The following PIEZO2 variants were observed in gnomAD, a reference collection of about 807,000 sequenced individuals.
PIEZO2 encodes the protein piezo-type mechanosensitive ion channel component 2.
In PIEZO2, 172 loss-of-function variants were observed where a neutral mutation model predicts 337.3. The ratio of observed to expected loss-of-function variants is 0.51; its 90% CI spans 0.45 to 0.58. The LOEUF (loss-of-function observed/expected upper bound fraction) is 0.58, where lower values mean the gene tolerates loss of function less well. PIEZO2 is among the 20% of genes least tolerant of loss of function. The pLI, the probability that PIEZO2 is intolerant of heterozygous loss-of-function variation, is 0.00. For missense variants in PIEZO2, 3,028 were observed against 3,391.3 expected (o/e 0.89, Z 2.66); for synonymous variants, 1,251 against 1,228.5 (o/e 1.02, Z -0.38).
chr18:11,045,074 T>A (rs955278250), intron 2 of PIEZO2, among the ~76,000 whole-genome samples: 32 of 151,746 alleles, frequency 2.1e-4, no homozygotes, highest in African/African-American at 7.7e-4. Context: ...AGTGGGCGGA[T>A]CACGAGGTCA....
At chr18:11,012,343 A>G (rs561262006) in intron 2 of PIEZO2, among the ~76,000 whole-genome samples, 1 of 152,340 alleles carries the variant, frequency 6.6e-6, no homozygotes, top group East Asian at 1.9e-4. Flanking sequence ...AAAATAAGAA[A>G]CTGATAATCT....
At chr18:10,933,018 T>C (rs1598712073) in intron 3 of PIEZO2, among the ~76,000 whole-genome samples, 1 of 150,424 alleles carries the variant, frequency 6.6e-6, no homozygotes, top group South Asian at 2.1e-4. Context: ...CACAACAGAG[T>C]GGAGGAAAGA....
chr18:10,866,516 A>G (rs2042011380), intron 5 of PIEZO2, among the ~76,000 whole-genome samples: 2 of 152,012 alleles, frequency 1.3e-5, no homozygotes, highest in South Asian at 4.1e-4. Flanking sequence ...CAATATCCCG[A>G]CCTCGTGATC....
intron 2 of PIEZO2, among the ~76,000 whole-genome samples, chr18:11,043,884 G>A (rs948673110): frequency 6.6e-5 from 10 of 151,922 alleles, no homozygotes; most frequent in African/African-American, 1.4e-4. Context: ...ATGTTTGCCC[G>A]GCTGGTCATG....
chr18:10,811,284 A>G (rs2040181147), intron 7 of PIEZO2, among the ~76,000 whole-genome samples: 1 of 152,202 alleles, frequency 6.6e-6, no homozygotes. Flanking sequence ...TGATATTTGT[A>G]GTCATAATTT....
At chr18:11,013,449 A>G (rs948061227) in intron 2 of PIEZO2, among the ~76,000 whole-genome samples, 7 of 152,252 alleles carry the variant, frequency 4.6e-5, no homozygotes, top group African/African-American at 1.7e-4. Flanking sequence ...TATTGTCTTA[A>G]GCCGCCAAGT....
intron 4 of PIEZO2, among the ~76,000 whole-genome samples, chr18:10,879,380 T>A (rs1001631310): frequency 7.0e-6 from 1 of 142,750 alleles, no homozygotes; most frequent in Non-Finnish European, 1.5e-5. Flanking sequence ...GGCAAAAGAG[T>A]CCTTTCCAAT....
rs999501118 is a variant in PIEZO2, at chr18:10,813,846, C to T, written c.918-6572G>A. ...ACTGGTATACTGTTTTCCATCAGTG[C>T]TGCCCGATTTTACATTCCCACCAGC... On this transcript the variant is annotated intron_variant, in intron 7 of 55. Transcript: ENST00000674853. The surrounding 1 kb of genome is among the most constrained non-coding windows in gnomAD (Gnocchi z 4.2). Among the ~76,000 whole-genome samples, 7 of 152,286 alleles carry T rather than the reference C, an allele frequency of 4.6e-5. No individual in the cohort carries two copies. Among genetic ancestry groups the T allele is most frequent in the African/African-American group, 1.7e-4 (7 of 41,548 alleles).
rs998694172 is a variant in PIEZO2 at position 10,819,496 on chromosome 18, T to G, written c.918-12222A>C. Among the ~76,000 whole-genome samples, 5 of 152,214 alleles carry G rather than the reference T, an allele frequency of 3.3e-5. No individual in the cohort carries two copies. Among genetic ancestry groups the G allele is most frequent in the Non-Finnish European group, 5.9e-5 (4 of 68,026 alleles). On this transcript the variant is annotated intron_variant, in intron 7 of 55. Transcript: ENST00000674853. This position sits in a 1 kb window ranked among gnomAD's most constrained non-coding sequence, Gnocchi z 4.3. ...CAGCTATGAAGGATGTGAAACTGCC[T>G]GTTTCTTTGATCAGATTTTAATGCT...
In PIEZO2 at chr18:10,988,114, C is replaced by T. The variant is rs946877534; in HGVS notation, c.161-8454G>A. Among the ~76,000 whole-genome samples, 1 of 151,934 alleles carries T rather than the reference C, an allele frequency of 6.6e-6. No individual in the cohort carries two copies. Among genetic ancestry groups the T allele is most frequent in the African/African-American group, 2.4e-5 (1 of 41,230 alleles). ...GATCAAGACATGAGGGTTGAGCTCTCAGGTATAAGATTAGGGTCTCTATAA... is the reference window on the plus strand; with the variant it reads ...GATCAAGACATGAGGGTTGAGCTCTTAGGTATAAGATTAGGGTCTCTATAA... On this transcript the variant is annotated intron_variant, in intron 2 of 55. Transcript: ENST00000674853. This position sits in a 1 kb window ranked among gnomAD's most constrained non-coding sequence, Gnocchi z 4.8.
In PIEZO2 at chr18:10,862,951, G is replaced by A. The variant is rs936989025; in HGVS notation, c.493-5740C>T. ...CTGGAACCTCCTTTAGGTTTCAGTC[G>A]AGCTTTGGACCTCAGAGCAGAGCTT... On this transcript the variant is annotated intron_variant, in intron 5 of 55. Coordinates refer to ENST00000674853, the MANE Select transcript of PIEZO2 (RefSeq NM_001378183.1). The surrounding 1 kb of genome is among the most constrained non-coding windows in gnomAD (Gnocchi z 4.4). 2.0e-5 allele frequency among the ~76,000 whole-genome samples: 3 copies of A among 152,066 alleles called. No individual in the cohort carries two copies. The highest frequency in any genetic ancestry group is 4.8e-5 in the African/African-American group (2 of 41,390).
rs967573642 is a variant in PIEZO2 at position 10,828,943 on chromosome 18, A to T, written c.918-21669T>A. ...TTCCTCCAGGAAGCCTTTCCTCAGC[A>T]TGTCATGTCTTCATTGGGCTCTCTC... is the stretch of plus-strand genomic sequence containing the variant. On this transcript the variant is annotated intron_variant, in intron 7 of 55. Coordinates refer to ENST00000674853, the MANE Select transcript of PIEZO2 (RefSeq NM_001378183.1). This position sits in a 1 kb window ranked among gnomAD's most constrained non-coding sequence, Gnocchi z 4.1. Among the ~76,000 whole-genome samples, 55 of 152,264 alleles carry T rather than the reference A, an allele frequency of 3.6e-4. No homozygotes were observed. The highest frequency in any genetic ancestry group is 1.3e-3 in the African/African-American group (54 of 41,544).
rs1301169166 is a variant in PIEZO2, at chr18:11,031,976, C to T, written c.160+34151G>A. Among the ~76,000 whole-genome samples the T allele has an allele frequency of 6.6e-6, 1 of 152,010 alleles. No homozygotes were observed. Among genetic ancestry groups the T allele is most frequent in the East Asian group, 1.9e-4 (1 of 5,196 alleles). ...TCTGTCTTTCTCTGTTTCTCTCTGT[C>T]TCTCTCTCACACACATACGCATACA... On this transcript the variant is annotated intron_variant, in intron 2 of 55. Transcript: ENST00000674853. The surrounding 1 kb of genome is among the most constrained non-coding windows in gnomAD (Gnocchi z 4.7).
Position 10,701,832 on chromosome 18 carries a change from C to CTG in PIEZO2, c.6441+156_6441+157insCA, listed in dbSNP as rs1881195912. The CTG allele has an allele frequency of 7.7e-6, 4 of 519,170 alleles. No homozygotes were observed. The South Asian group carries it at 2.7e-4, about 35-fold the overall frequency. The allele number at this position is 519,170 out of a possible 1,614,324, so 32.2% of individuals were successfully genotyped here. On this transcript the variant is annotated intron_variant, in intron 43 of 55. Coordinates refer to ENST00000674853, the MANE Select transcript of PIEZO2 (RefSeq NM_001378183.1). ...TGAACTTAACCTTTTTCTTTTCTCT[C>CTG]TCTTTTTTTTTTTAAAAAAAACATA...
chr18:10,762,390 T>G (rs2038171249), intron 23 of PIEZO2, 110 bp downstream of exon 23: 19 of 1,326,226 alleles, frequency 1.4e-5, no homozygotes, highest in Non-Finnish European at 1.7e-5. Flanking sequence ...AAATCCCACA[T>G]GAGAAGATAT....
At chr18:10,802,927 A>C (rs1390148161) in intron 9 of PIEZO2, among the ~76,000 whole-genome samples, 1 of 150,698 alleles carries the variant, frequency 6.6e-6, no homozygotes, top group Non-Finnish European at 1.5e-5. Flanking sequence ...AGCCAAGATC[A>C]CACCACTGCA....
intron 28 of PIEZO2, among the ~76,000 whole-genome samples, chr18:10,751,448 T>C (rs2037641154): frequency 1.3e-5 from 2 of 152,176 alleles, no homozygotes; most frequent in African/African-American, 2.4e-5. Flanking sequence ...CAAATGTAAA[T>C]TGATGTCAGA....
chr18:10,939,505 T>C (rs2032605826), intron 3 of PIEZO2, among the ~76,000 whole-genome samples: 1 of 152,150 alleles, frequency 6.6e-6, no homozygotes, highest in South Asian at 2.1e-4. Context: ...TAGCAAAGAC[T>C]TGGAACCAAC....
chr18:10,953,157 T>C lies in PIEZO2; in HGVS notation c.286+26378A>G, dbSNP rs1191674810. On this transcript the variant is annotated intron_variant, in intron 3 of 55. Transcript: ENST00000674853. This position sits in a 1 kb window ranked among gnomAD's most constrained non-coding sequence, Gnocchi z 5.2. ...GGATACAAGTCCTTAATCAGATATA[T>C]AGTTTGTAAATACTTTATTCCAATT... Among the ~76,000 whole-genome samples the C allele has an allele frequency of 6.6e-6, 1 of 152,226 alleles. No individual in the cohort carries two copies. The highest frequency in any genetic ancestry group is 6.5e-5 in the Admixed American group (1 of 15,282).
Sources: gnomAD v4.1 joint callset for allele counts (sites outside exome capture counted in the v4.1 genomes callset) on GRCh38, gnomAD v4.1.1 for gene constraint, Gnocchi (gnomAD v3.1) non-coding constraint, MANE v1.5 for transcripts, NCBI Gene and HGNC (gene_info 2026-07-23, HGNC 2026-07-21) for gene names.